EPHA5: variants seen among roughly 807,000 people sequenced by gnomAD.
The protein encoded by EPHA5 is ephrin type-A receptor 5.
Under a neutral mutation model 105.0 loss-of-function variants are expected in EPHA5, and 60 were observed. The observed-to-expected ratio is 0.57, with a 90% CI of 0.46 to 0.71. EPHA5 has a LOEUF of 0.71. Among genes scored for constraint, EPHA5 ranks in the 30% least tolerant of loss-of-function variants. EPHA5 has a pLI of 0.00. For synonymous variants in EPHA5, 513 were observed against 449.1 expected (o/e 1.14, Z -1.80); for missense variants, 1,218 against 1,274.7 (o/e 0.96, Z 0.68).
chr4:65,404,358 C>T lies in EPHA5; in HGVS notation c.1793+16G>A. 6.2e-7 allele frequency: 1 copy of T among 1,606,682 alleles called. No individual in the cohort carries two copies. Among genetic ancestry groups the T allele is most frequent in the African/African-American group, 1.3e-5 (1 of 74,856 alleles). On this transcript the variant is annotated intron_variant, in intron 8 of 16. Transcript: ENST00000613740. ...GATCAGCTGCAGAACTTCAGAATCA[C>T]AGCTTCCTCTCTTACCTTCCACTGA...
chr4:65,493,857 C>A (rs1463018175), intron 4 of EPHA5, among the ~76,000 whole-genome samples: 1 of 151,620 alleles, frequency 6.6e-6, no homozygotes, highest in East Asian at 1.9e-4. Flanking sequence ...AATGGGTAGA[C>A]CACTTAAAGA....
intron 7 of EPHA5, among the ~76,000 whole-genome samples, chr4:65,412,917 G>A (rs1185401088): frequency 6.6e-6 from 1 of 152,032 alleles, no homozygotes; most frequent in Non-Finnish European, 1.5e-5. Context: ...ATTTTTCATT[G>A]GTATAGTTAT....
chr4:65,537,199 A>G (rs1057200955), intron 3 of EPHA5, among the ~76,000 whole-genome samples: 4 of 151,850 alleles, frequency 2.6e-5, no homozygotes, highest in Admixed American at 1.3e-4. Flanking sequence ...TTATTTTCCA[A>G]TAGATTCTTT....
At chr4:65,644,218 A>ACT (rs1553960148) in intron 1 of EPHA5, among the ~76,000 whole-genome samples, 4 of 150,848 alleles carry the variant, frequency 2.7e-5, no homozygotes, top group Non-Finnish European at 4.4e-5. Flanking sequence ...ACACACACAC[A>ACT]CCCCCATGCA....
intron 8 of EPHA5, among the ~76,000 whole-genome samples, chr4:65,390,893 A>G (rs1191087342): frequency 1.3e-5 from 2 of 152,060 alleles, no homozygotes; most frequent in African/African-American, 4.8e-5. Flanking sequence ...GGTAAGCAAA[A>G]TAATTGGTGT....
intron 2 of EPHA5, among the ~76,000 whole-genome samples, chr4:65,632,542 A>G (rs1485385761): frequency 6.6e-6 from 1 of 151,658 alleles, no homozygotes; most frequent in Non-Finnish European, 1.5e-5. Context: ...CAGCAAAAAA[A>G]AAAAAAAAAA....
chr4:65,351,265 C>A lies in EPHA5; in HGVS notation c.2445+124G>T, dbSNP rs573420024. 3.3e-4 allele frequency: 275 copies of A among 825,136 alleles called. 1 individual carries two copies. The highest frequency in any genetic ancestry group is 1.8e-3 in the African/African-American group (103 of 58,658). The allele number at this position is 825,136 out of a possible 1,614,324, so 51.1% of individuals were successfully genotyped here. On this transcript the variant is annotated intron_variant, in intron 13 of 16. Coordinates refer to ENST00000613740, the MANE Select transcript of EPHA5 (RefSeq NM_001281766.3). ...CTTTTGATTTTCTCTCTCCCTCTCC[C>A]CCTCATTCTCTCTCTTTCTTTTTGA...
intron 8 of EPHA5, 52 bp from the exon 9 acceptor site, chr4:65,367,476 A>T (rs1471526501): frequency 1.3e-6 from 2 of 1,533,098 alleles, no homozygotes; most frequent in Non-Finnish European, 1.8e-6. Context: ...TGAATCAGTC[A>T]CATCAAGCCC....
chr4:65,353,247 T>A (rs1722996898), intron 11 of EPHA5, 144 bp from the exon 12 acceptor site: 2 of 113,368 alleles, frequency 1.8e-5, no homozygotes, highest in African/African-American at 3.6e-5. Context: ...TATTAAAAAA[T>A]AAAATTTATT....
chr4:65,331,847 G>A, intron 16 of EPHA5, 126 bp downstream of exon 16: 8 of 1,428,916 alleles, frequency 5.6e-6, no homozygotes, highest in Non-Finnish European at 7.3e-6. Context: ...AAGATGATGA[G>A]GCTTCTTTGA....
chr4:65,322,323 T>C lies in EPHA5; in HGVS notation c.*1791A>G, dbSNP rs950294424. 5 of 224,460 alleles carry C rather than the reference T, an allele frequency of 2.2e-5. No homozygotes were observed. Among genetic ancestry groups the C allele is most frequent in the Admixed American group, 5.7e-5 (1 of 17,412 alleles). The allele number at this position is 224,460 out of a possible 1,614,324, so 13.9% of individuals were successfully genotyped here. ...GTTATTTCCCAAAAGTTTATTCTTA[T>C]ATGTGCTAATATTCAAATAAAACAA... On this transcript the variant is annotated 3_prime_UTR_variant, in exon 17 of 17. Coordinates refer to ENST00000613740, the MANE Select transcript of EPHA5 (RefSeq NM_001281766.3).
At chr4:65,375,858 TTG>T (rs1390628133) in intron 8 of EPHA5, among the ~76,000 whole-genome samples, 1 of 151,810 alleles carries the variant, frequency 6.6e-6, no homozygotes, top group Non-Finnish European at 1.5e-5. Context: ...AGATTTTAGT[TTG>T]TATTTAGTTT....
intron 8 of EPHA5, among the ~76,000 whole-genome samples, chr4:65,381,244 G>A (rs1300619199): frequency 1.3e-5 from 2 of 151,570 alleles, no homozygotes; most frequent in Non-Finnish European, 3.0e-5. Flanking sequence ...GTAAACCAAA[G>A]TATATATGTG....
At chr4:65,409,027 C>A (rs968803591) in intron 7 of EPHA5, among the ~76,000 whole-genome samples, 2 of 147,988 alleles carry the variant, frequency 1.4e-5, no homozygotes, top group African/African-American at 2.5e-5. Context: ...AGGATGAGTT[C>A]ATGTCCTTTT....
At chr4:65,574,857 C>A (rs954422653) in intron 3 of EPHA5, among the ~76,000 whole-genome samples, 2 of 150,348 alleles carry the variant, frequency 1.3e-5, no homozygotes, top group South Asian at 4.2e-4. Flanking sequence ...TCTTATAAAA[C>A]CCTGCAACTT....
chr4:65,377,440 G>A (rs1719123769), intron 8 of EPHA5, among the ~76,000 whole-genome samples: 1 of 151,814 alleles, frequency 6.6e-6, no homozygotes, highest in Admixed American at 6.6e-5. Flanking sequence ...ATCCTAAATA[G>A]CCCTTTAAAT....
chr4:65,356,134 A>T (rs1170409947), intron 11 of EPHA5, among the ~76,000 whole-genome samples: 2 of 151,520 alleles, frequency 1.3e-5, no homozygotes, highest in African/African-American at 4.8e-5. Flanking sequence ...CTATGTTATC[A>T]TTATCTACTT....
chr4:65,535,026 A>AT (rs1208529189), intron 3 of EPHA5, among the ~76,000 whole-genome samples: 2 of 152,158 alleles, frequency 1.3e-5, no homozygotes, highest in African/African-American at 4.8e-5. Flanking sequence ...ACTCATGATT[A>AT]TTTTTTCAGT....
At chr4:65,492,793 G>T (rs1047592135) in intron 4 of EPHA5, among the ~76,000 whole-genome samples, 1 of 151,960 alleles carries the variant, frequency 6.6e-6, no homozygotes, top group Non-Finnish European at 1.5e-5. Context: ...ATAATCCTTT[G>T]GGTATATACC....
Sources: gnomAD v4.1 joint callset for allele counts (sites outside exome capture counted in the v4.1 genomes callset) on GRCh38, gnomAD v4.1.1 for gene constraint, MANE v1.5 for transcripts, NCBI Gene and HGNC (gene_info 2026-07-23, HGNC 2026-07-21) for gene names.